B4GALNT3: variants seen among roughly 807,000 people sequenced by gnomAD.
B4GALNT3 encodes the protein beta-1,4-N-acetylgalactosaminyltransferase 3.
In B4GALNT3, 86 loss-of-function variants were observed where a neutral mutation model predicts 120.2. The observed-to-expected ratio is 0.72, with a 90% CI of 0.60 to 0.86. The LOEUF (loss-of-function observed/expected upper bound fraction) is 0.86. Ranked by LOEUF, B4GALNT3 falls within the 40% of genes least tolerant of loss-of-function variation. The pLI is 0.00. For missense variants in B4GALNT3, 1,167 were observed against 1,298.9 expected (o/e 0.90, Z 1.56); for synonymous variants, 518 against 510.4 (o/e 1.01, Z -0.20).
chr12:536,371 G>A, intron 3 of B4GALNT3, 76 bp downstream of exon 3: 2 of 1,312,078 alleles, frequency 1.5e-6, no homozygotes, highest in Non-Finnish European at 2.2e-6. Flanking sequence ...AGAGATCACA[G>A]AAAACTTTCT....
intron 1 of B4GALNT3, among the ~76,000 whole-genome samples, chr12:481,839 A>C (rs996334356): frequency 2.6e-5 from 4 of 152,048 alleles, no homozygotes; most frequent in African/African-American, 9.7e-5. Context: ...GTCCCTCTGC[A>C]CAGAGGGTGC....
intron 1 of B4GALNT3, among the ~76,000 whole-genome samples, chr12:513,037 T>TCTTCCAC (rs1284691812): frequency 1.7e-4 from 18 of 108,080 alleles, no homozygotes; most frequent in South Asian, 6.6e-4. Context: ...CCTTCCACCT[T>TCTTCCAC]CTTCCACCTT....
At chr12:531,133 A>G (rs2120651299) in intron 1 of B4GALNT3, among the ~76,000 whole-genome samples, 1 of 152,250 alleles carries the variant, frequency 6.6e-6, no homozygotes, top group East Asian at 1.9e-4. Context: ...ATGCCTGGTT[A>G]TTCACTGGCA....
rs1404833749 is a variant in B4GALNT3 at position 465,399 on chromosome 12, T to A, written c.169+4854T>A. 3.3e-5 allele frequency among the ~76,000 whole-genome samples: 5 copies of A among 152,318 alleles called. No individual in the cohort carries two copies. The East Asian group carries it at 5.8e-4, about 18-fold the overall frequency. On this transcript the variant is annotated intron_variant, in intron 1 of 19. Transcript: ENST00000266383. ...ATTTTCCACTGGCAGATACTGTGTT[T>A]ATCAGGGACTGATCCAAGAATAGAA... is the stretch of plus-strand genomic sequence containing the variant.
chr12:540,062 G>T (rs1004023046), intron 3 of B4GALNT3, among the ~76,000 whole-genome samples: 6 of 152,212 alleles, frequency 3.9e-5, no homozygotes, highest in Non-Finnish European at 8.8e-5. Context: ...TGAACCACTA[G>T]CCAGGTACCC....
At chr12:536,013 G>A (rs1946854995) in intron 2 of B4GALNT3, among the ~76,000 whole-genome samples, 2 of 152,192 alleles carry the variant, frequency 1.3e-5, no homozygotes, top group South Asian at 4.1e-4. Flanking sequence ...CATATGGGGA[G>A]GACAGAAAAT....
Position 480,467 on chromosome 12 carries a change from G to A in B4GALNT3, c.169+19922G>A, listed in dbSNP as rs190045935. On this transcript the variant is annotated intron_variant, in intron 1 of 19. Coordinates refer to ENST00000266383, the MANE Select transcript of B4GALNT3 (RefSeq NM_173593.4). ...GAGGTCCCTCTGACCCTGACATTAC[G>A]GAAGGCTTGACGGCCTGGTTCCTGA... Among the ~76,000 whole-genome samples the A allele has an allele frequency of 7.0e-3, 1,069 of 152,118 alleles. 16 individuals are homozygous for A. The highest frequency in any genetic ancestry group is 0.01 in the Middle Eastern group (3 of 294).
At chr12:549,283 G>A (rs554657706) in intron 9 of B4GALNT3, among the ~76,000 whole-genome samples, 1 of 152,154 alleles carries the variant, frequency 6.6e-6, no homozygotes, top group Non-Finnish European at 1.5e-5. Flanking sequence ...CCACCCGTCT[G>A]TTGTATGATG....
At chr12:511,335 A>ACCTTCCACCTTCCT (rs1946551734) in intron 1 of B4GALNT3, among the ~76,000 whole-genome samples, 1 of 28,886 alleles carries the variant, frequency 3.5e-5, no homozygotes, top group African/African-American at 2.1e-4. Context: ...TCCACCTTCC[A>ACCTTCCACCTTCCT]CCTTCCTTCC....
chr12:489,826 C>T (rs1946325068), intron 1 of B4GALNT3, among the ~76,000 whole-genome samples: 1 of 152,180 alleles, frequency 6.6e-6, no homozygotes, highest in Non-Finnish European at 1.5e-5. Flanking sequence ...TTCTCAAGCT[C>T]ACATGGAACA....
At chr12:498,513 G>A (rs1437290874) in intron 1 of B4GALNT3, among the ~76,000 whole-genome samples, 1 of 137,220 alleles carries the variant, frequency 7.3e-6, no homozygotes, top group Admixed American at 7.9e-5. Context: ...TGATTCCTGT[G>A]TGTTGTCCAC....
At chr12:508,758 C>T (rs1470004844) in intron 1 of B4GALNT3, among the ~76,000 whole-genome samples, 1 of 152,222 alleles carries the variant, frequency 6.6e-6, no homozygotes, top group Non-Finnish European at 1.5e-5. Flanking sequence ...AAACATACTA[C>T]TTTGAGGACT....
intron 1 of B4GALNT3, among the ~76,000 whole-genome samples, chr12:470,014 C>T (rs968678184): frequency 9.2e-5 from 14 of 152,130 alleles, no homozygotes; most frequent in African/African-American, 3.4e-4. Flanking sequence ...TGCCTGGTTT[C>T]CTGTCTACAG....
At chr12:508,348 T>A (rs1052092886) in intron 1 of B4GALNT3, among the ~76,000 whole-genome samples, 1 of 152,210 alleles carries the variant, frequency 6.6e-6, no homozygotes, top group African/African-American at 2.4e-5. Flanking sequence ...GATGCAATCA[T>A]GGCTTACTGC....
At chr12:547,952 G>C (rs922475777) in intron 7 of B4GALNT3, 72 bp from the exon 8 acceptor site, 13 of 1,293,702 alleles carry the variant, frequency 1.0e-5, no homozygotes, top group South Asian at 4.8e-5. Flanking sequence ...GTGCTGGAAG[G>C]GGGTGGGACA....
In B4GALNT3 at chr12:561,865, G is replaced by A. The variant is rs565536034; in HGVS notation, c.*414G>A. 7 of 162,304 alleles carry A rather than the reference G, an allele frequency of 4.3e-5. No individual in the cohort carries two copies. Among genetic ancestry groups the A allele is most frequent in the South Asian group, 3.0e-4 (2 of 6,632 alleles). 10.1% of individuals were successfully genotyped at this position (162,304 alleles called of 1,614,324 possible). A position where few individuals can be genotyped will look rare whatever the true frequency, so the allele number is the denominator to read the frequency against. On this transcript the variant is annotated 3_prime_UTR_variant, in exon 20 of 20. Transcript: ENST00000266383. Reference sequence around the variant, plus strand: ...TGGACATATTTTATTGGGGGGCGGGGATTTTAAAAACAGAAAACCGAAACT... The same window carrying A: ...TGGACATATTTTATTGGGGGGCGGGAATTTTAAAAACAGAAAACCGAAACT...
intron 14 of B4GALNT3, chr12:555,471 T>A (rs1366764696): frequency 4.8e-6 from 2 of 420,536 alleles, no homozygotes; most frequent in Non-Finnish European, 4.9e-6. Flanking sequence ...TATACCACAT[T>A]TTTCCATTCA....
intron 14 of B4GALNT3, among the ~76,000 whole-genome samples, 182 bp from the exon 15 acceptor site, chr12:556,353 TACATTTTCAAAG>T (rs138892406): frequency 0.065 from 9,882 of 152,140 alleles, 435 homozygotes; most frequent in Non-Finnish European, 0.091. Flanking sequence ...GCTCAACAGG[TACATTTTCAAAG>T]AGGGAGGCAG....
rs1283923231 is a variant in B4GALNT3, at chr12:548,505, A to G, written c.853+208A>G. 6.6e-6 allele frequency among the ~76,000 whole-genome samples: 1 copy of G among 152,138 alleles called. No homozygotes were observed. Among genetic ancestry groups the G allele is most frequent in the African/African-American group, 2.4e-5 (1 of 41,434 alleles). On this transcript the variant is annotated intron_variant, in intron 9 of 19. Transcript: ENST00000266383. This position sits in a 1 kb window ranked among gnomAD's most constrained non-coding sequence, Gnocchi z 4.9. ...TCAGTGACCCCTTTGAGAACCTGCT[A>G]GAAGCTCTCTGAGCCCTTGCCTCAG... is the stretch of plus-strand genomic sequence containing the variant.
Sources: gnomAD v4.1 joint callset for allele counts (sites outside exome capture counted in the v4.1 genomes callset) on GRCh38, gnomAD v4.1.1 for gene constraint, Gnocchi (gnomAD v3.1) non-coding constraint, MANE v1.5 for transcripts, NCBI Gene and HGNC (gene_info 2026-07-23, HGNC 2026-07-21) for gene names.